The following FAXC variants were observed in gnomAD, a reference collection of about 807,000 sequenced individuals.
FAXC encodes the protein failed axon connections homolog.
A neutral mutation model predicts 41.9 loss-of-function variants in FAXC; 10 were observed. The ratio of observed to expected loss-of-function variants is 0.24; its 90% CI spans 0.15 to 0.41. The LOEUF is 0.41. Ranked by LOEUF, FAXC falls within the 10% of genes least tolerant of loss-of-function variation. The probability of loss-of-function intolerance (pLI) is 1.00; values close to 1 mark genes in which losing one functional copy is unlikely to be tolerated. For missense variants in FAXC, 399 were observed against 510.9 expected (o/e 0.78, Z 2.11); for synonymous variants, 183 against 183.8 (o/e 1.00, Z 0.03).
intron 5 of FAXC, among the ~76,000 whole-genome samples, 157 bp from the exon 6 acceptor site, chr6:99,281,610 C>G (rs1349215358): frequency 6.7e-6 from 1 of 150,288 alleles, no homozygotes; most frequent in African/African-American, 2.5e-5. Flanking sequence ...GTTCATGAGG[C>G]CCAAGCCCTC....
At chr6:99,319,497 C>T (rs1485170246) in intron 4 of FAXC, among the ~76,000 whole-genome samples, 2 of 151,952 alleles carry the variant, frequency 1.3e-5, no homozygotes, top group East Asian at 3.9e-4. Flanking sequence ...CTGCCCTCCA[C>T]ATTTGCCTGC....
chr6:99,349,339 G>A lies in FAXC; in HGVS notation c.34C>T (p.Pro12Ser), dbSNP rs1228539604. ...TTCCAGCTCAGATCCACCACGCACG[G>A]CCTGGACGAAGCAAAGCCAACCCCC... The part of the protein sequence containing the change: ...HWGVGFASSR[P>S]CVVDLSWNQS... The change falls in exon 1 of 6, where the codon CCG (proline) becomes TCG (serine). Residue 12 changes from proline (P) to serine (S), a missense_variant. Pro to Ser is a moderately conservative substitution (Grantham distance 74). Around this residue, in one of 3 missense-constraint regions of FAXC, gnomAD observed 68 missense variants for 63.4 expected, o/e 1.07. Transcript: ENST00000389677. The A allele has an allele frequency of 6.2e-7, 1 of 1,612,678 alleles. No individual in the cohort carries two copies. The highest frequency in any genetic ancestry group is 8.5e-7 in the Non-Finnish European group (1 of 1,179,882).
At chr6:99,346,093 G>C (rs1221745107) in intron 1 of FAXC, among the ~76,000 whole-genome samples, 1 of 152,114 alleles carries the variant, frequency 6.6e-6, no homozygotes, top group Non-Finnish European at 1.5e-5. Context: ...AGAAACTCAG[G>C]GTAGTCATTT....
At chr6:99,347,406 GAAAAA>G (rs57714437) in intron 1 of FAXC, among the ~76,000 whole-genome samples, 37 of 143,550 alleles carry the variant, frequency 2.6e-4, no homozygotes, top group East Asian at 6.1e-4. Flanking sequence ...AGTCTCAAAA[GAAAAA>G]AAAAAAAAAA....
In FAXC at chr6:99,330,042, TAG is replaced by T. The variant is rs1297011111; in HGVS notation, c.599+3307_599+3308del. ...GTCGCCACCACACCTGACTGTTTTG[TAG>T]AGAGAGGGTTTTGCCATGTTGCCCA... is the stretch of plus-strand genomic sequence containing the variant. On this transcript the variant is annotated intron_variant, in intron 3 of 5. Coordinates refer to ENST00000389677, the MANE Select transcript of FAXC (RefSeq NM_032511.4). Among the ~76,000 whole-genome samples, 7 of 151,810 alleles carry T rather than the reference TAG, an allele frequency of 4.6e-5. No homozygotes were observed. In the East Asian group the frequency reaches 1.4e-3, roughly 30 times the overall value.
intron 2 of FAXC, among the ~76,000 whole-genome samples, chr6:99,336,143 T>C (rs907277321): frequency 2.0e-5 from 3 of 152,146 alleles, no homozygotes; most frequent in Admixed American, 2.0e-4. Context: ...CTCAAACTCC[T>C]GGGCTCAAGC....
intron 2 of FAXC, among the ~76,000 whole-genome samples, chr6:99,339,201 G>C (rs988718356): frequency 2.0e-4 from 31 of 152,204 alleles, no homozygotes; most frequent in African/African-American, 7.5e-4. Flanking sequence ...CAACCTCCCA[G>C]TTGGTCTGTT....
chr6:99,335,365 G>A (rs1773178448), intron 2 of FAXC, among the ~76,000 whole-genome samples: 1 of 152,184 alleles, frequency 6.6e-6, no homozygotes, highest in Non-Finnish European at 1.5e-5. Context: ...CTTGCTTTGT[G>A]CTAGTAACTC....
chr6:99,318,025 G>C (rs1007151821), intron 4 of FAXC, among the ~76,000 whole-genome samples: 1 of 152,114 alleles, frequency 6.6e-6, no homozygotes, highest in Non-Finnish European at 1.5e-5. Flanking sequence ...TTGGGAGGCC[G>C]AGGCGGGTGG....
Position 99,318,306 on chromosome 6 carries a change from C to CACACACAAAA in FAXC, c.823+5137_823+5138insTTTTGTGTGT, listed in dbSNP as rs147852055. Among the ~76,000 whole-genome samples, 757 of 135,300 alleles carry CACACACAAAA rather than the reference C, an allele frequency of 5.6e-3. 14 individuals are homozygous for CACACACAAAA. The highest frequency in any genetic ancestry group is 0.012 in the Middle Eastern group (3 of 256). 88.8% of individuals were successfully genotyped at this position (135,300 alleles called of 152,430 possible). On this transcript the variant is annotated intron_variant, in intron 4 of 5. Transcript: ENST00000389677. Reference sequence around the variant, plus strand: ...ACACACACACACACACACACACACACAAAATAGAAGAAATGGAAAATATAT... The same window carrying CACACACAAAA: ...ACACACACACACACACACACACACACACACACAAAAAAAATAGAAGAAATGGAAAATATAT...
chr6:99,319,000 G>A (rs796764733), intron 4 of FAXC, among the ~76,000 whole-genome samples: 1 of 152,118 alleles, frequency 6.6e-6, no homozygotes, highest in Non-Finnish European at 1.5e-5. Context: ...AATAAACAGT[G>A]TATGTATTTC....
intron 4 of FAXC, among the ~76,000 whole-genome samples, chr6:99,296,996 G>T (rs1447380010): frequency 6.6e-6 from 1 of 152,200 alleles, no homozygotes; most frequent in Non-Finnish European, 1.5e-5. Flanking sequence ...CTGAGTGGAA[G>T]TACTAAACCA....
intron 4 of FAXC, among the ~76,000 whole-genome samples, chr6:99,308,040 T>C (rs991221642): frequency 6.6e-5 from 10 of 152,230 alleles, no homozygotes; most frequent in African/African-American, 2.2e-4. Context: ...CTTACACCTG[T>C]AATCCTAGCA....
intron 2 of FAXC, among the ~76,000 whole-genome samples, chr6:99,334,923 C>T (rs1773162614): frequency 6.6e-6 from 1 of 152,216 alleles, no homozygotes; most frequent in Non-Finnish European, 1.5e-5. Context: ...CCCTACCCAG[C>T]CAGGTCAAGG....
intron 2 of FAXC, 109 bp downstream of exon 2, chr6:99,342,789 C>G: frequency 9.7e-7 from 1 of 1,027,422 alleles, no homozygotes; most frequent in South Asian, 1.8e-5. Context: ...GTTTCAGCTC[C>G]CATCCCCTCT....
intron 5 of FAXC, among the ~76,000 whole-genome samples, chr6:99,287,006 T>C (rs1365901885): frequency 1.3e-5 from 2 of 152,108 alleles, no homozygotes; most frequent in Non-Finnish European, 2.9e-5. Context: ...GAGCAAGAAA[T>C]GTAGCCTAAG....
chr6:99,311,827 T>C (rs910754744), intron 4 of FAXC, among the ~76,000 whole-genome samples: 1 of 152,202 alleles, frequency 6.6e-6, no homozygotes, highest in Admixed American at 6.5e-5. Context: ...TCTCCAAATA[T>C]ACATCTCACC....
chr6:99,349,289 C>G lies in FAXC; in HGVS notation c.84G>C (p.Trp28Cys). 1 of 1,613,488 alleles carries G rather than the reference C, an allele frequency of 6.2e-7. No individual in the cohort carries two copies. The highest frequency in any genetic ancestry group is 8.5e-7 in the Non-Finnish European group (1 of 1,179,998). The part of the protein sequence containing the change: ...SWNQSISFFG[W>C]WAGSEEPFSF... ...AGAAGGGCTCCTCGGACCCGGCCCA[C>G]CAGCCGAAGAAGGAGATGCTCTGGT... The change falls in exon 1 of 6, where the codon TGG becomes TGC. Residue 28 changes from tryptophan (W) to cysteine (C), a missense_variant. This residue lies in a region of FAXC where 68 missense variants were observed against 63.4 expected (regional missense o/e 1.07). Coordinates refer to ENST00000389677, the MANE Select transcript of FAXC (RefSeq NM_032511.4).
rs1260744337 is a variant in FAXC at position 99,275,226 on chromosome 6, G to A, written c.*5938C>T. On this transcript the variant is annotated 3_prime_UTR_variant, in exon 6 of 6. Coordinates refer to ENST00000389677, the MANE Select transcript of FAXC (RefSeq NM_032511.4). Reference sequence around the variant, plus strand: ...ATTTAGTAGCACAACTTTTTATAAAGTTAACTGATTATGATACACATATAT... The same window carrying A: ...ATTTAGTAGCACAACTTTTTATAAAATTAACTGATTATGATACACATATAT... The A allele has an allele frequency of 6.6e-6, 1 of 152,162 alleles. No individual in the cohort carries two copies. Among genetic ancestry groups the A allele is most frequent in the Non-Finnish European group, 1.5e-5 (1 of 68,034 alleles). 9.4% of individuals were successfully genotyped at this position (152,162 alleles called of 1,614,324 possible).
Sources: gnomAD v4.1 joint callset for allele counts (sites outside exome capture counted in the v4.1 genomes callset) on GRCh38, gnomAD v4.1.1 for gene constraint, gnomAD v4.1.1 regional missense constraint, MANE v1.5 for transcripts, NCBI Gene and HGNC (gene_info 2026-07-23, HGNC 2026-07-21) for gene names.